The following ZNF469 variants were observed in gnomAD, a reference collection of about 807,000 sequenced individuals.
The protein encoded by ZNF469 is zinc finger protein 469.
Under a neutral mutation model 1.0 loss-of-function variants are expected in ZNF469, and 1 was observed. The observed-to-expected ratio is 1.00, with a 90% CI of 0.35 to 4.73. ZNF469 has a LOEUF of 4.73. ZNF469 is among the 30% of genes most tolerant of loss of function. ZNF469 has a pLI of 0.16. For synonymous variants in ZNF469, 2,703 were observed against 2,363.4 expected (o/e 1.14, Z -4.17); for missense variants, 6,100 against 5,356.3 (o/e 1.14, Z -4.33).
chr16:88,437,487 C>T lies in ZNF469; in HGVS notation c.10017C>T (p.Cys3339=). ...HEACKDPSRD[C]HHCGKRFPKP... ...CCTGCAAGGACCCCTCCCGCGACTG[C>T]CACCACTGCGGGAAGCGCTTCCCCA... The change falls in exon 3 of 3, where the codon TGC becomes TGT. Residue 3339 remains cysteine, a synonymous_variant. Coordinates refer to ENST00000565624, the MANE Select transcript of ZNF469 (RefSeq NM_001367624.2). The T allele has an allele frequency of 6.5e-7, 1 of 1,538,238 alleles. No homozygotes were observed. The highest frequency in any genetic ancestry group is 8.8e-7 in the Non-Finnish European group (1 of 1,138,870).
chr16:88,395,100 G>T (rs1567499647), intron 1 of ZNF469, among the ~76,000 whole-genome samples: 1 of 152,228 alleles, frequency 6.6e-6, no homozygotes, highest in Non-Finnish European at 1.5e-5. Flanking sequence ...CTTCTACTTT[G>T]AGGTGAACTC....
the ZNF469 span, among the ~76,000 whole-genome samples, chr16:88,227,057 G>A: frequency 7.1e-6 from 1 of 141,096 alleles, no homozygotes; most frequent in African/African-American, 2.6e-5. Flanking sequence ...CCGCGCCGGG[G>A]CCTGCGCGTT....
intron 1 of ZNF469, among the ~76,000 whole-genome samples, chr16:88,399,781 T>G (rs1904801727): frequency 6.6e-6 from 1 of 152,242 alleles, no homozygotes; most frequent in Non-Finnish European, 1.5e-5. Context: ...CAGTCCTTCC[T>G]TCTCACCCAA....
At chr16:88,406,381 G>A (rs374162447) in intron 1 of ZNF469, among the ~76,000 whole-genome samples, 6 of 152,338 alleles carry the variant, frequency 3.9e-5, no homozygotes, top group African/African-American at 1.4e-4. Flanking sequence ...CTATCCAAGT[G>A]CCCTGCAGTG....
the ZNF469 span, among the ~76,000 whole-genome samples, chr16:88,176,006 T>C: frequency 1.3e-5 from 2 of 152,212 alleles, no homozygotes; most frequent in Non-Finnish European, 2.9e-5. Context: ...ACCAGGTGGC[T>C]AGTGTGTGGT....
chr16:88,255,937 G>C, the ZNF469 span, among the ~76,000 whole-genome samples: 104 of 152,308 alleles, frequency 6.8e-4, no homozygotes, highest in African/African-American at 2.4e-3. Flanking sequence ...TTTCTGGTTG[G>C]AGATGTCATT....
At chr16:88,279,620 CCGCGCCACACTGACACTCGGTCAGTACCA>C in the ZNF469 span, among the ~76,000 whole-genome samples, 26 of 111,858 alleles carry the variant, frequency 2.3e-4, no homozygotes, top group Admixed American at 5.1e-4. Flanking sequence ...ACGGTTAGTG[CCGCGCCACACTGACACTCGGTCAGTACCA>C]TGTAGATATC....
chr16:88,304,931 C>G, the ZNF469 span, among the ~76,000 whole-genome samples: 1 of 152,258 alleles, frequency 6.6e-6, no homozygotes, highest in East Asian at 1.9e-4. Context: ...TTTTCTGAAG[C>G]TCTGAATCCT....
At chr16:88,140,669 G>A in the ZNF469 span, among the ~76,000 whole-genome samples, 3 of 152,268 alleles carry the variant, frequency 2.0e-5, no homozygotes, top group African/African-American at 4.8e-5. Context: ...CAGTGGCTCA[G>A]GCCTGTAATC....
the ZNF469 span, among the ~76,000 whole-genome samples, chr16:88,315,546 C>T: frequency 1.4e-4 from 22 of 152,296 alleles, no homozygotes; most frequent in East Asian, 1.9e-4. Context: ...TGACCAAGGG[C>T]GTGGCCAGGT....
chr16:88,213,151 T>G, the ZNF469 span, among the ~76,000 whole-genome samples: 2 of 151,938 alleles, frequency 1.3e-5, no homozygotes, highest in African/African-American at 4.8e-5. Context: ...CAGGCTGGAG[T>G]GCAGTGGCAC....
chr16:88,433,672 C>T lies in ZNF469; in HGVS notation c.6202C>T (p.Leu2068=). 1 of 1,549,772 alleles carries T rather than the reference C, an allele frequency of 6.5e-7. No individual in the cohort carries two copies. Among genetic ancestry groups the T allele is most frequent in the South Asian group, 1.2e-5 (1 of 84,062 alleles). The change falls in exon 3 of 3, where the codon CTG becomes TTG. Residue 2068 remains leucine (L), a synonymous_variant. Coordinates refer to ENST00000565624, the MANE Select transcript of ZNF469 (RefSeq NM_001367624.2). ...GTCCCCTAATAGGGAGTCCCTGGCGCTGGCCTTGACAGCAGCCCACAGCCG... is the reference window on the plus strand; with the variant it reads ...GTCCCCTAATAGGGAGTCCCTGGCGTTGGCCTTGACAGCAGCCCACAGCCG... ...PPSPNRESLA[L]ALTAAHSRSG...
At chr16:88,132,102 C>G in the ZNF469 span, among the ~76,000 whole-genome samples, 4,993 of 151,916 alleles carry the variant, frequency 0.033, no homozygotes, top group African/African-American at 0.11. Flanking sequence ...ACTCTCCTCT[C>G]CATGTGTGGA....
the ZNF469 span, among the ~76,000 whole-genome samples, chr16:88,274,094 C>T: frequency 6.5e-3 from 985 of 152,318 alleles, 8 homozygotes; most frequent in African/African-American, 0.022. Context: ...TGAGCCACCG[C>T]GCCTGGCCAG....
rs886052414 is a variant in ZNF469, at chr16:88,436,444, A to T, written c.8974A>T (p.Met2992Leu). The T allele has an allele frequency of 1.3e-6, 2 of 1,548,170 alleles. No individual in the cohort carries two copies. Among genetic ancestry groups the T allele is most frequent in the Non-Finnish European group, 1.7e-6 (2 of 1,146,946 alleles). ...DRPEAIPELHMVPAAWRGLEM... is the reference protein window; with the variant it reads ...DRPEAIPELHLVPAAWRGLEM... ...GCCGGAGGCCATTCCTGAGCTGCAC[A>T]TGGTCCCAGCGGCTTGGCGAGGCCT... The change falls in exon 3 of 3, where the codon ATG becomes TTG. Residue 2992 changes from methionine to leucine, a missense_variant. Transcript: ENST00000565624.
chr16:88,149,320 T>A, the ZNF469 span, among the ~76,000 whole-genome samples: 1 of 152,152 alleles, frequency 6.6e-6, no homozygotes, highest in Non-Finnish European at 1.5e-5. Context: ...CCCTGGTGAG[T>A]GCTGGGCGGG....
chr16:88,215,031 T>G, the ZNF469 span, among the ~76,000 whole-genome samples: 1 of 152,230 alleles, frequency 6.6e-6, no homozygotes, highest in East Asian at 1.9e-4. Flanking sequence ...ACTAGTTCTT[T>G]TGGTTACTGT....
the ZNF469 span, among the ~76,000 whole-genome samples, chr16:88,277,266 T>C: frequency 0.038 from 4,853 of 128,990 alleles, 285 homozygotes; most frequent in African/African-American, 0.13. Flanking sequence ...TATCAGTGCA[T>C]GGTTAGTGCT....
chr16:88,436,933 TCGCGGGAGCTGCTGCGGGGGCACC>T lies in ZNF469; in HGVS notation c.9464_9487del (p.Ser3155_His3162del). The T allele has an allele frequency of 6.7e-7, 1 of 1,492,752 alleles. No homozygotes were observed. The highest frequency in any genetic ancestry group is 8.9e-7 in the Non-Finnish European group (1 of 1,122,450). 92.5% of individuals were successfully genotyped at this position (1,492,752 alleles called of 1,614,324 possible). ...CATGTGCGTGGAGCGCAGGTTTGGCTCGCGGGAGCTGCTGCGGGGGCACCTGCAGGAGAGGCACGCGCAGAGCAA... is the reference window on the plus strand; with the variant it reads ...CATGTGCGTGGAGCGCAGGTTTGGCTTGCAGGAGAGGCACGCGCAGAGCAA... On this transcript the variant is annotated inframe_deletion, in exon 3 of 3. Coordinates refer to ENST00000565624, the MANE Select transcript of ZNF469 (RefSeq NM_001367624.2).
Sources: gnomAD v4.1 joint callset for allele counts (sites outside exome capture counted in the v4.1 genomes callset) on GRCh38, gnomAD v4.1.1 for gene constraint, MANE v1.5 for transcripts, NCBI Gene and HGNC (gene_info 2026-07-23, HGNC 2026-07-21) for gene names.